The following SLC35C1 variants were observed in gnomAD, a reference collection of about 807,000 sequenced individuals.
The protein encoded by SLC35C1 is solute carrier family 35 member C1, also known as GDP-fucose transporter 1.
A neutral mutation model predicts 23.2 loss-of-function variants in SLC35C1; 8 were observed. The observed-to-expected ratio is 0.35, with a 90% CI of 0.20 to 0.62. The LOEUF is 0.62. SLC35C1 is among the 20% of genes least tolerant of loss of function. The pLI, the probability that SLC35C1 is intolerant of heterozygous loss-of-function variation, is 0.75. For synonymous variants in SLC35C1, 226 were observed against 225.1 expected (o/e 1.00, Z -0.04); for missense variants, 422 against 478.6 (o/e 0.88, Z 1.10).
rs2085956206 is a variant in SLC35C1 at position 45,812,246 on chromosome 11, A to G, written c.*911A>G. ...GGCTGATGGAGCAAGGGTCCAGACT[A>G]GGAGCCTTCCACCCCAGCTGTGTCT... On this transcript the variant is annotated 3_prime_UTR_variant, in exon 2 of 2. Coordinates refer to ENST00000314134, the MANE Select transcript of SLC35C1 (RefSeq NM_018389.5). 3.7e-6 allele frequency: 1 copy of G among 269,432 alleles called. No individual in the cohort carries two copies. Among genetic ancestry groups the G allele is most frequent in the Non-Finnish European group, 7.6e-6 (1 of 131,160 alleles). The allele number at this position is 269,432 out of a possible 1,614,324, so 16.7% of individuals were successfully genotyped here.
At chr11:45,805,088 T>C (rs930222538), upstream of SLC35C1, 7 of 985,676 alleles carry the variant, frequency 7.1e-6, no homozygotes, top group Non-Finnish European at 8.4e-6. Flanking sequence ...TGCGGGCCCT[T>C]TAAGGCCACG....
rs1162234989 is a variant in SLC35C1, at chr11:45,806,032, C to G, written c.231C>G (p.Thr77=). 5.6e-6 allele frequency: 9 copies of G among 1,613,892 alleles called. No homozygotes were observed. Among genetic ancestry groups the G allele is most frequent in the African/African-American group, 1.3e-5 (1 of 75,066 alleles). ...SLRLDTPIFV[T]FYQCLVTTLL... is the part of the protein sequence containing the mutation. ...GGCTGGACACCCCCATCTTCGTCAC[C>G]TTCTACCAGTGCCTGGTGACCACGC... Residue 77 remains threonine (T), a synonymous_variant, in exon 1 of 2, where the codon ACC becomes ACG. Transcript: ENST00000314134.
chr11:45,805,430 C>A lies in SLC35C1; in HGVS notation c.-372C>A. 9.1e-7 allele frequency: 1 copy of A among 1,099,850 alleles called. No individual in the cohort carries two copies. Among genetic ancestry groups the A allele is most frequent in the Non-Finnish European group, 1.1e-6 (1 of 896,514 alleles). The allele number at this position is 1,099,850 out of a possible 1,614,324, so 68.1% of individuals were successfully genotyped here. Reference sequence around the variant, plus strand: ...TTTCCTGCACCTTCGCCCCGCGTACCTACTCCTGCCCCGCCCTGCCATTCC... The same window carrying A: ...TTTCCTGCACCTTCGCCCCGCGTACATACTCCTGCCCCGCCCTGCCATTCC... On this transcript the variant is annotated 5_prime_UTR_variant, in exon 1 of 2. Transcript: ENST00000314134.
In SLC35C1 at chr11:45,812,490, A is replaced by C. The variant is rs1346742871; in HGVS notation, c.*1155A>C. The C allele has an allele frequency of 4.4e-6, 2 of 454,420 alleles. No homozygotes were observed. Among genetic ancestry groups the C allele is most frequent in the Non-Finnish European group, 8.9e-6 (2 of 225,876 alleles). The allele number at this position is 454,420 out of a possible 1,614,324, so 28.1% of individuals were successfully genotyped here. A position where few individuals can be genotyped will look rare whatever the true frequency, so the allele number is the denominator to read the frequency against. Reference sequence around the variant, plus strand: ...TTGCTCACAGTCCTGGGGGGCTGGGACGCCCAAGATCAAGAGGCCAGCAGA... The same window carrying C: ...TTGCTCACAGTCCTGGGGGGCTGGGCCGCCCAAGATCAAGAGGCCAGCAGA... On this transcript the variant is annotated 3_prime_UTR_variant, in exon 2 of 2. Coordinates refer to ENST00000314134, the MANE Select transcript of SLC35C1 (RefSeq NM_018389.5).
At chr11:45,809,935 A>T in intron 1 of SLC35C1, 1 of 985,260 alleles carries the variant, frequency 1.0e-6, no homozygotes, top group Non-Finnish European at 1.2e-6. Context: ...AGGTTCTGGG[A>T]TTATCAGGAA....
rs954343211 is a variant in SLC35C1, at chr11:45,805,721, G to T, written c.-81G>T. 1.3e-6 allele frequency: 2 copies of T among 1,597,658 alleles called. No individual in the cohort carries two copies. Among genetic ancestry groups the T allele is most frequent in the South Asian group, 2.2e-5 (2 of 90,524 alleles). ...CAATGGAGGGCTGCGGCTTCCTTGC[G>T]GAGAGCACAAGTGAGCTCACTGCCC... On this transcript the variant is annotated 5_prime_UTR_variant, in exon 1 of 2. It introduces an in-frame stop codon into an upstream open reading frame of the 5' UTR. Coordinates refer to ENST00000314134, the MANE Select transcript of SLC35C1 (RefSeq NM_018389.5).
chr11:45,808,037 C>T lies in SLC35C1; in HGVS notation c.535+1701C>T, dbSNP rs533355144. ...GTTCTGAGAATGGTGCATTCACGGG[C>T]GTGCCTGACTGGGACAGGGGCCAGG... On this transcript the variant is annotated intron_variant, in intron 1 of 1. Coordinates refer to ENST00000314134, the MANE Select transcript of SLC35C1 (RefSeq NM_018389.5). Among the ~76,000 whole-genome samples, 152 of 152,322 alleles carry T rather than the reference C, an allele frequency of 1.0e-3. 1 individual carries two copies. Among genetic ancestry groups the T allele is most frequent in the Non-Finnish European group, 2.5e-4 (17 of 68,024 alleles).
Position 45,812,320 on chromosome 11 carries a change from G to A in SLC35C1, c.*985G>A, listed in dbSNP as rs990140337. The A allele has an allele frequency of 7.7e-5, 27 of 348,778 alleles. No individual in the cohort carries two copies. The Admixed American group carries it at 7.9e-4, about 10-fold the overall frequency. The allele number at this position is 348,778 out of a possible 1,614,324, so 21.6% of individuals were successfully genotyped here. A position where few individuals can be genotyped will look rare whatever the true frequency, so the allele number is the denominator to read the frequency against. ...GAGGTGTTACAGCTGGTTCTGAGCC[G>A]CTTGCCTTGTGATGGTAAGACACCA... On this transcript the variant is annotated 3_prime_UTR_variant, in exon 2 of 2. Transcript: ENST00000314134.
chr11:45,810,445 G>A lies in SLC35C1; in HGVS notation c.536-331G>A, dbSNP rs548951204. 8 of 985,412 alleles carry A rather than the reference G, an allele frequency of 8.1e-6. No individual in the cohort carries two copies. In the East Asian group the frequency reaches 4.5e-4, roughly 56 times the overall value. The allele number at this position is 985,412 out of a possible 1,614,324, so 61.0% of individuals were successfully genotyped here. ...AGTCGCCCACTTACAGGCTCTCACA[G>A]CACCTTGTACTACTTTATGGACCTC... is the stretch of plus-strand genomic sequence containing the variant. On this transcript the variant is annotated intron_variant, in intron 1 of 1. Coordinates refer to ENST00000314134, the MANE Select transcript of SLC35C1 (RefSeq NM_018389.5).
intron 1 of SLC35C1, chr11:45,810,037 A>G (rs1590746385): frequency 1.0e-6 from 1 of 985,056 alleles, no homozygotes. Flanking sequence ...GACATGAACA[A>G]GGACACTGAG....
chr11:45,810,737 C>T, intron 1 of SLC35C1, 39 bp from the exon 2 acceptor site: 2 of 1,596,934 alleles, frequency 1.3e-6, no homozygotes, highest in South Asian at 1.1e-5. Flanking sequence ...CCTCATCCCT[C>T]TTCCTCACCC....
intron 1 of SLC35C1, among the ~76,000 whole-genome samples, chr11:45,809,107 A>T (rs962065501): frequency 1.5e-4 from 23 of 152,348 alleles, no homozygotes; most frequent in African/African-American, 5.3e-4. Flanking sequence ...ACTTTCATTC[A>T]TTCATTCCAC....
Position 45,805,984 on chromosome 11 carries a change from C to T in SLC35C1, c.183C>T (p.Tyr61=), listed in dbSNP as rs2085868285. 2 of 1,614,104 alleles carry T rather than the reference C, an allele frequency of 1.2e-6. No individual in the cohort carries two copies. The highest frequency in any genetic ancestry group is 2.2e-5 in the East Asian group (1 of 44,850). Residue 61 remains tyrosine, a synonymous_variant, in exon 1 of 2, where the codon TAC becomes TAT. Transcript: ENST00000314134. ...TSISMVFLNK[Y]LLDSPSLRLD... is the part of the protein sequence containing the mutation. ...TCTCCATGGTGTTCCTTAATAAGTA[C>T]CTGCTGGACAGCCCCTCCCTGCGGC... is the stretch of plus-strand genomic sequence containing the variant.
chr11:45,806,637 C>T (rs1450511692), intron 1 of SLC35C1, among the ~76,000 whole-genome samples: 1 of 152,224 alleles, frequency 6.6e-6, no homozygotes, highest in Non-Finnish European at 1.5e-5. Flanking sequence ...CATATTAACT[C>T]AGCTAATCTT....
intron 1 of SLC35C1, chr11:45,806,801 C>A: frequency 1.4e-6 from 1 of 699,322 alleles, no homozygotes; most frequent in Non-Finnish European, 1.8e-6. Context: ...TGCCCGACCA[C>A]TGTACTTTAT....
chr11:45,804,642 G>A, upstream of SLC35C1: 1 of 985,790 alleles, frequency 1.0e-6, no homozygotes, highest in Non-Finnish European at 1.2e-6. Flanking sequence ...CTCGGGGAGC[G>A]CTGCCGGGGG....
Position 45,805,636 on chromosome 11 carries a change from A to G in SLC35C1, c.-166A>G. On this transcript the variant is annotated 5_prime_UTR_variant, in exon 1 of 2. Transcript: ENST00000314134. ...GAGCAGCACAACTGGGCTCACCCCA[A>G]AGCAGAACTTCTCAATCCATGAGGA... 6.7e-7 allele frequency: 1 copy of G among 1,502,764 alleles called. No homozygotes were observed. Among genetic ancestry groups the G allele is most frequent in the Non-Finnish European group, 8.9e-7 (1 of 1,126,992 alleles). The allele number at this position is 1,502,764 out of a possible 1,614,324, so 93.1% of individuals were successfully genotyped here.
intron 1 of SLC35C1, among the ~76,000 whole-genome samples, chr11:45,807,889 G>T (rs561913587): frequency 1.3e-5 from 2 of 152,260 alleles, no homozygotes; most frequent in South Asian, 4.1e-4. Context: ...CATTCCTGCT[G>T]ACCCTGCCAG....
At position 45,810,751 on chromosome 11, in the gene SLC35C1, C is replaced by T. The variant is rs771129084; in HGVS notation, c.536-25C>T. 27 of 1,603,268 alleles carry T rather than the reference C, an allele frequency of 1.7e-5. No individual in the cohort carries two copies. The South Asian group carries it at 2.6e-4, about 16-fold the overall frequency. On this transcript the variant is annotated intron_variant, in intron 1 of 1. Coordinates refer to ENST00000314134, the MANE Select transcript of SLC35C1 (RefSeq NM_018389.5). ...TCCTCATCCCTCTTCCTCACCCTTCCCCACTCCTCCTCTCCCCACTGCAGG... is the reference window on the plus strand; with the variant it reads ...TCCTCATCCCTCTTCCTCACCCTTCTCCACTCCTCCTCTCCCCACTGCAGG...
Sources: gnomAD v4.1 joint callset for allele counts (sites outside exome capture counted in the v4.1 genomes callset) on GRCh38, gnomAD v4.1.1 for gene constraint, MANE v1.5 for transcripts, NCBI Gene and HGNC (gene_info 2026-07-23, HGNC 2026-07-21) for gene names.